The following ECPAS variants were observed in gnomAD, a reference collection of about 807,000 sequenced individuals.
ECPAS encodes proteasome adapter and scaffold protein ECM29.
Under a neutral mutation model 255.1 loss-of-function variants are expected in ECPAS, and 70 were observed. The observed-to-expected ratio is 0.27, with a 90% CI of 0.23 to 0.33. ECPAS has a LOEUF of 0.33. Among genes scored for constraint, ECPAS ranks in the 10% least tolerant of loss-of-function variants. The probability of loss-of-function intolerance (pLI) is 1.00; values close to 1 mark genes in which losing one functional copy is unlikely to be tolerated. For synonymous variants in ECPAS, 784 were observed against 775.0 expected (o/e 1.01, Z -0.19); for missense variants, 1,817 against 2,206.4 (o/e 0.82, Z 3.54).
intron 3 of ECPAS, among the ~76,000 whole-genome samples, chr9:111,445,849 C>CCCAGTGTG (rs2098252211): frequency 6.6e-6 from 1 of 152,108 alleles, no homozygotes; most frequent in African/African-American, 2.4e-5. Flanking sequence ...CACAACAGGC[C>CCCAGTGTG]CCAGTGTGAG....
At chr9:111,482,551 C>CTT (rs1564575471) in intron 1 of ECPAS, among the ~76,000 whole-genome samples, 1 of 152,118 alleles carries the variant, frequency 6.6e-6, no homozygotes, top group African/African-American at 2.4e-5. Context: ...CTTCATAAAG[C>CTT]TTGCAACACC....
intron 24 of ECPAS, among the ~76,000 whole-genome samples, chr9:111,399,497 A>AC (rs2098172442): frequency 6.6e-6 from 1 of 152,236 alleles, no homozygotes; most frequent in African/African-American, 2.4e-5. Context: ...CGGTCACAGC[A>AC]TCAGGCAGAA....
intron 4 of ECPAS, 79 bp downstream of exon 4, chr9:111,444,299 C>T: frequency 1.1e-6 from 1 of 918,002 alleles, no homozygotes; most frequent in Non-Finnish European, 1.7e-6. Flanking sequence ...CTAAACTTGC[C>T]AATATGTTGA....
In ECPAS at chr9:111,421,891, A is replaced by T. The variant is rs1038074573; in HGVS notation, c.1455+30T>A. ...TTCTTAAAAATGTAAACCGTATACT[A>T]CCCAGGCTTTGTAGTTCACACGGAC... On this transcript the variant is annotated intron_variant, in intron 15 of 49. Transcript: ENST00000684092. The T allele has an allele frequency of 8.1e-6, 13 of 1,607,904 alleles. No homozygotes were observed. The Admixed American group carries it at 1.4e-4, about 17-fold the overall frequency.
At chr9:111,446,190 G>C (rs1418980316) in intron 3 of ECPAS, among the ~76,000 whole-genome samples, 1 of 152,150 alleles carries the variant, frequency 6.6e-6, no homozygotes, top group African/African-American at 2.4e-5. Context: ...GAAATAACAA[G>C]CTTCCTCTCC....
chr9:111,442,521 C>A, intron 4 of ECPAS, 97 bp from the exon 5 acceptor site: 1 of 792,368 alleles, frequency 1.3e-6, no homozygotes, highest in South Asian at 1.7e-5. Context: ...ATGGTTACAA[C>A]AAAGACATTG....
intron 48 of ECPAS, among the ~76,000 whole-genome samples, chr9:111,365,009 T>C (rs761415810): frequency 3.3e-4 from 50 of 151,990 alleles, no homozygotes; most frequent in Non-Finnish European, 6.5e-4. Context: ...TATATGACAA[T>C]AAAATTCAAT....
intron 6 of ECPAS, 135 bp downstream of exon 6, chr9:111,440,236 GA>G: frequency 1.3e-6 from 1 of 768,172 alleles, no homozygotes; most frequent in Admixed American, 3.1e-5. Context: ...AAGTTTAGAA[GA>G]AAAAAATCTT....
chr9:111,382,923 T>C (rs2098142474), intron 35 of ECPAS, among the ~76,000 whole-genome samples: 1 of 152,242 alleles, frequency 6.6e-6, no homozygotes, highest in Non-Finnish European at 1.5e-5. Flanking sequence ...AATATTATAA[T>C]GAACAAACAT....
intron 2 of ECPAS, among the ~76,000 whole-genome samples, chr9:111,465,216 A>G (rs1297177530): frequency 6.6e-6 from 1 of 151,896 alleles, no homozygotes; most frequent in Non-Finnish European, 1.5e-5. Context: ...TTTGACAAAG[A>G]TGAGTCAGAC....
intron 28 of ECPAS, 130 bp downstream of exon 28, chr9:111,392,638 G>A: frequency 1.6e-6 from 1 of 617,356 alleles, no homozygotes; most frequent in Non-Finnish European, 2.8e-6. Flanking sequence ...AACAATTATG[G>A]ACTCGCAACT....
At chr9:111,483,704 C>T (rs1034286107) in intron 1 of ECPAS, 2 of 160,378 alleles carry the variant, frequency 1.2e-5, no homozygotes, top group African/African-American at 4.9e-5. Flanking sequence ...GCGTCCTCCG[C>T]GTCGCGAGCG....
chr9:111,402,232 C>G (rs1260036327), intron 24 of ECPAS, among the ~76,000 whole-genome samples: 2 of 152,192 alleles, frequency 1.3e-5, no homozygotes, highest in African/African-American at 4.8e-5. Context: ...GCCGGTCCCT[C>G]CACTTGGGGT....
intron 7 of ECPAS, among the ~76,000 whole-genome samples, chr9:111,436,021 T>C (rs1303335304): frequency 7.4e-5 from 11 of 148,928 alleles, no homozygotes; most frequent in Non-Finnish European, 1.3e-4. Context: ...ACTTACATAA[T>C]AGTTTAAGGA....
At chr9:111,471,871 G>A (rs148436738) in intron 2 of ECPAS, among the ~76,000 whole-genome samples, 34 of 152,278 alleles carry the variant, frequency 2.2e-4, no homozygotes, top group African/African-American at 7.9e-4. Context: ...GGGGGGCCCA[G>A]GTAGGAGTAT....
intron 2 of ECPAS, among the ~76,000 whole-genome samples, chr9:111,471,853 G>A (rs897777345): frequency 1.3e-5 from 2 of 152,026 alleles, no homozygotes; most frequent in Non-Finnish European, 2.9e-5. Flanking sequence ...CTAAAATCAT[G>A]ACACTTTGGG....
At chr9:111,404,245 G>C (rs1484797284) in intron 24 of ECPAS, among the ~76,000 whole-genome samples, 1 of 148,976 alleles carries the variant, frequency 6.7e-6, no homozygotes, top group Non-Finnish European at 1.5e-5. Context: ...ATTAATAAAG[G>C]AAAGAAATAA....
Position 111,484,101 on chromosome 9 carries a change from G to T in ECPAS, c.-83+15C>A, listed in dbSNP as rs1315674901. The T allele has an allele frequency of 3.0e-6, 4 of 1,349,400 alleles. No homozygotes were observed. Among genetic ancestry groups the T allele is most frequent in the Middle Eastern group, 5.6e-4 (2 of 3,582 alleles). The allele number at this position is 1,349,400 out of a possible 1,614,324, so 83.6% of individuals were successfully genotyped here. ...GCAGGGCCAGTCCCCCGCGGCCCGG[G>T]GGCGGGCCTCTGACCTGAGTCGGAG... On this transcript the variant is annotated intron_variant, in intron 1 of 49. Coordinates refer to ENST00000684092, the MANE Select transcript of ECPAS (RefSeq NM_001364929.1).
chr9:111,444,028 C>T (rs753241578), intron 4 of ECPAS, among the ~76,000 whole-genome samples: 3 of 151,978 alleles, frequency 2.0e-5, no homozygotes, highest in Admixed American at 6.6e-5. Flanking sequence ...AGGCTTTATT[C>T]GTGCCCAAGC....
Sources: gnomAD v4.1 joint callset for allele counts (sites outside exome capture counted in the v4.1 genomes callset) on GRCh38, gnomAD v4.1.1 for gene constraint, MANE v1.5 for transcripts, NCBI Gene and HGNC (gene_info 2026-07-23, HGNC 2026-07-21) for gene names.